Variants in IDO2 observed in about 807,000 individuals in gnomAD.
IDO2 encodes indoleamine 2,3-dioxygenase-like 1 protein.
Under a neutral mutation model 45.1 loss-of-function variants are expected in IDO2, and 46 were observed. That is an observed-to-expected ratio of 1.02 (90% CI 0.80 to 1.30). The LOEUF (loss-of-function observed/expected upper bound fraction) is 1.30. Among genes scored for constraint, IDO2 ranks in the 50% most tolerant of loss-of-function variants. IDO2 has a pLI of 0.00. For synonymous variants in IDO2, 218 were observed against 184.9 expected (o/e 1.18, Z -1.45); for missense variants, 544 against 491.8 (o/e 1.11, Z -1.00).
chr8:39,980,853 G>A (rs1461175229), intron 4 of IDO2, among the ~76,000 whole-genome samples: 5 of 151,532 alleles, frequency 3.3e-5, no homozygotes, highest in Non-Finnish European at 5.9e-5. Context: ...GGGTCCAAGG[G>A]ATTCTCCTGA....
Position 39,941,992 on chromosome 8 carries a change from C to T in IDO2, c.-18+6774C>T, listed in dbSNP as rs1212230308. ...TAGTCCCAGCTACTCACTCAACAGG[C>T]TGAGGCAGAAGGATCACTTGAGCCC... On this transcript the variant is annotated intron_variant, in intron 1 of 10. Transcript: ENST00000502986. 3.9e-5 allele frequency among the ~76,000 whole-genome samples: 6 copies of T among 152,214 alleles called. No homozygotes were observed. The South Asian group carries it at 8.3e-4, about 21-fold the overall frequency.
intron 2 of IDO2, among the ~76,000 whole-genome samples, chr8:39,957,296 A>G (rs746737285): frequency 2.0e-5 from 3 of 152,082 alleles, no homozygotes; most frequent in Middle Eastern, 3.4e-3. Flanking sequence ...CATTCTGTTC[A>G]TAGCAGTCAA....
chr8:40,007,232 C>T (rs1802237787), intron 9 of IDO2, among the ~76,000 whole-genome samples: 1 of 151,836 alleles, frequency 6.6e-6, no homozygotes, highest in African/African-American at 2.4e-5. Context: ...TGTCTGGATA[C>T]AGCAAGAGAC....
At chr8:39,969,890 AAAT>A (rs1808153863) in intron 3 of IDO2, among the ~76,000 whole-genome samples, 1 of 152,016 alleles carries the variant, frequency 6.6e-6, no homozygotes, top group African/African-American at 2.4e-5. Context: ...AAAAAAAAAA[AAAT>A]ATCTAAAGCT....
chr8:39,949,292 G>C, intron 2 of IDO2, 28 bp downstream of exon 2: 1 of 1,510,998 alleles, frequency 6.6e-7, no homozygotes, highest in Non-Finnish European at 9.0e-7. Context: ...GTAAGGATAG[G>C]TCAGAATATG....
intron 3 of IDO2, among the ~76,000 whole-genome samples, chr8:39,965,649 G>T (rs951092136): frequency 1.3e-5 from 2 of 152,160 alleles, no homozygotes; most frequent in African/African-American, 4.8e-5. Context: ...AAGCTGAGGT[G>T]ATACTGGATT....
At chr8:39,947,518 T>G (rs1385564881) in intron 1 of IDO2, among the ~76,000 whole-genome samples, 1 of 152,206 alleles carries the variant, frequency 6.6e-6, no homozygotes, top group African/African-American at 2.4e-5. Flanking sequence ...GTTCCACAAG[T>G]TACTTCCTCC....
chr8:39,970,150 C>T (rs1352270007), intron 3 of IDO2, among the ~76,000 whole-genome samples: 1 of 152,148 alleles, frequency 6.6e-6, no homozygotes, highest in Non-Finnish European at 1.5e-5. Context: ...AAGCCTAATT[C>T]AAAGAAAGGC....
intron 4 of IDO2, among the ~76,000 whole-genome samples, chr8:39,979,844 G>T (rs1459590240): frequency 1.1e-4 from 16 of 152,030 alleles, no homozygotes; most frequent in African/African-American, 3.6e-4. Flanking sequence ...CTTTAAAACA[G>T]GGTTGCACCA....
At chr8:39,996,089 G>T in intron 8 of IDO2, among the ~76,000 whole-genome samples, 1 of 118,248 alleles carries the variant, frequency 8.5e-6, no homozygotes, top group East Asian at 3.1e-4. Flanking sequence ...AAAAAAAAAA[G>T]AAAAGAAAAG....
chr8:39,944,194 A>G (rs896208073), intron 1 of IDO2, among the ~76,000 whole-genome samples: 3 of 152,196 alleles, frequency 2.0e-5, no homozygotes, highest in Non-Finnish European at 2.9e-5. Flanking sequence ...ACCAGAATTC[A>G]GGTCCAATGA....
intron 4 of IDO2, among the ~76,000 whole-genome samples, chr8:39,979,834 CTTTAA>C (rs1163433340): frequency 1.1e-4 from 16 of 151,114 alleles, no homozygotes; most frequent in African/African-American, 3.7e-4. Context: ...TGCCTTTTTG[CTTTAA>C]AACAGGGTTG....
chr8:40,013,792 A>C, intron 10 of IDO2, 79 bp downstream of exon 10: 2 of 1,038,292 alleles, frequency 1.9e-6, no homozygotes, highest in Non-Finnish European at 1.3e-6. Context: ...AATTGATAAA[A>C]CCAAATATAA....
In IDO2 at chr8:39,955,416, G is replaced by A. The variant is rs554988666; in HGVS notation, c.99+6152G>A. On this transcript the variant is annotated intron_variant, in intron 2 of 10. Coordinates refer to ENST00000502986, the Ensembl canonical transcript of IDO2. Reference sequence around the variant, plus strand: ...ATTACAGGTGCGGGCCATCACACCCGGCTTATTTTTTGTATTTTTAGTAGA... The same window carrying A: ...ATTACAGGTGCGGGCCATCACACCCAGCTTATTTTTTGTATTTTTAGTAGA... Among the ~76,000 whole-genome samples, 35 of 151,666 alleles carry A rather than the reference G, an allele frequency of 2.3e-4. 1 individual carries two copies. In the South Asian group the frequency reaches 5.8e-3, roughly 25 times the overall value.
At chr8:40,003,276 A>G (rs1331283898) in intron 8 of IDO2, among the ~76,000 whole-genome samples, 3 of 150,944 alleles carry the variant, frequency 2.0e-5, no homozygotes, top group African/African-American at 7.3e-5. Context: ...ATGCTGAAGC[A>G]GGAGAATTGC....
At chr8:39,960,543 A>G (rs1215132448) in intron 2 of IDO2, among the ~76,000 whole-genome samples, 2 of 152,194 alleles carry the variant, frequency 1.3e-5, no homozygotes, top group African/African-American at 2.4e-5. Flanking sequence ...CTCTCCTTCA[A>G]AAGTAATCTA....
At chr8:39,951,870 C>T (rs1042254641) in intron 2 of IDO2, among the ~76,000 whole-genome samples, 2 of 152,174 alleles carry the variant, frequency 1.3e-5, no homozygotes, top group Non-Finnish European at 2.9e-5. Context: ...TTTGTTCTTT[C>T]CTCTTTCATA....
intron 8 of IDO2, among the ~76,000 whole-genome samples, chr8:40,000,889 T>C (rs1802124257): frequency 6.6e-6 from 1 of 152,272 alleles, no homozygotes; most frequent in Non-Finnish European, 1.5e-5. Flanking sequence ...ATTAATTCAT[T>C]CATTCAGTCT....
At chr8:40,011,901 C>A (rs1205592347) in intron 9 of IDO2, among the ~76,000 whole-genome samples, 1 of 152,208 alleles carries the variant, frequency 6.6e-6, no homozygotes, top group Non-Finnish European at 1.5e-5. Flanking sequence ...GGCCTGGCAG[C>A]AGTAACCTCT....
Sources: gnomAD v4.1 joint callset for allele counts (sites outside exome capture counted in the v4.1 genomes callset) on GRCh38, gnomAD v4.1.1 for gene constraint, MANE v1.5 for transcripts, NCBI Gene and HGNC (gene_info 2026-07-23, HGNC 2026-07-21) for gene names.